SCFD2: variants seen among roughly 807,000 people sequenced by gnomAD.
SCFD2 encodes sec1 family domain containing 2, also known as sec1 family domain-containing protein 2.
A neutral mutation model predicts 58.9 loss-of-function variants in SCFD2; 54 were observed. The observed-to-expected ratio is 0.92, with a 90% CI of 0.74 to 1.15. The LOEUF is 1.15. Ranked by LOEUF, SCFD2 falls within the 50% of genes most tolerant of loss-of-function variation. SCFD2 has a pLI of 0.00. For synonymous variants in SCFD2, 321 were observed against 335.9 expected, an observed-to-expected ratio of 0.96 and a Z score of 0.49; for missense variants, 805 against 836.6, an observed-to-expected ratio of 0.96 and a Z score of 0.47.
chr4:53,034,735 G>A (rs1189281031), intron 5 of SCFD2, among the ~76,000 whole-genome samples: 1 of 152,114 alleles, frequency 6.6e-6, no homozygotes, highest in Non-Finnish European at 1.5e-5. Flanking sequence ...TTGCTACAAA[G>A]GGAATAAAAT....
At chr4:53,322,279 T>A (rs1314249663) in intron 2 of SCFD2, among the ~76,000 whole-genome samples, 1 of 152,118 alleles carries the variant, frequency 6.6e-6, no homozygotes, top group Non-Finnish European at 1.5e-5. Context: ...GCAATGAAAG[T>A]GACCTCTGGT....
intron 5 of SCFD2, among the ~76,000 whole-genome samples, chr4:53,030,108 T>C (rs1455614865): frequency 6.6e-5 from 10 of 152,030 alleles, no homozygotes; most frequent in Non-Finnish European, 1.3e-4. Flanking sequence ...CTAGAAAACA[T>C]AAAGAACTCT....
At chr4:53,160,298 G>A (rs1305324782) in intron 4 of SCFD2, among the ~76,000 whole-genome samples, 2 of 152,186 alleles carry the variant, frequency 1.3e-5, no homozygotes, top group Non-Finnish European at 2.9e-5. Context: ...CTATGGTGAA[G>A]AGAACAAACT....
At chr4:53,182,632 C>T (rs897151989) in intron 4 of SCFD2, among the ~76,000 whole-genome samples, 3 of 152,138 alleles carry the variant, frequency 2.0e-5, no homozygotes, top group Non-Finnish European at 4.4e-5. Flanking sequence ...GCAATGGCAA[C>T]AAAAGCCAAA....
rs529050721 is a variant in SCFD2, at chr4:53,157,256, T to TGATGTA, written c.1312-11675_1312-11674insTACATC. Reference sequence around the variant, plus strand: ...ATGCATGATGTAAGAAAATCAGGCATAGGCTAAAGATCCATCCAAAATACA... The same window carrying TGATGTA: ...ATGCATGATGTAAGAAAATCAGGCATGATGTAAGGCTAAAGATCCATCCAAAATACA... On this transcript the variant is annotated intron_variant, in intron 4 of 8. Coordinates refer to ENST00000401642, the MANE Select transcript of SCFD2 (RefSeq NM_152540.4). 8.2e-3 allele frequency among the ~76,000 whole-genome samples: 1,242 copies of TGATGTA among 152,344 alleles called. 16 individuals are homozygous for TGATGTA. Among genetic ancestry groups the TGATGTA allele is most frequent in the African/African-American group, 0.028 (1,165 of 41,588 alleles).
rs571044947 is a variant in SCFD2 at position 52,989,895 on chromosome 4, T to G, written c.1562-69025A>C. Among the ~76,000 whole-genome samples, 12 of 152,284 alleles carry G rather than the reference T, an allele frequency of 7.9e-5. No individual in the cohort carries two copies. The South Asian group carries it at 2.3e-3, about 29-fold the overall frequency. On this transcript the variant is annotated intron_variant, in intron 5 of 8. Coordinates refer to ENST00000401642, the MANE Select transcript of SCFD2 (RefSeq NM_152540.4). ...TCACCTCTCTTTATTTTTCCTTCTT[T>G]GACTCTCTTCCTCTGTCTACACTCT...
intron 5 of SCFD2, among the ~76,000 whole-genome samples, chr4:52,934,656 T>C (rs1022817166): frequency 2.6e-5 from 4 of 152,204 alleles, no homozygotes; most frequent in Non-Finnish European, 5.9e-5. Flanking sequence ...GAGCTCTTAC[T>C]GGGTTTTCAG....
intron 5 of SCFD2, among the ~76,000 whole-genome samples, chr4:53,011,079 G>T (rs1485904859): frequency 6.6e-6 from 1 of 152,064 alleles, no homozygotes; most frequent in Non-Finnish European, 1.5e-5. Context: ...TTTACATTTG[G>T]ACTTTATTTT....
At chr4:53,211,196 T>C (rs1217960392) in intron 4 of SCFD2, among the ~76,000 whole-genome samples, 1 of 150,612 alleles carries the variant, frequency 6.6e-6, no homozygotes, top group Admixed American at 6.6e-5. Flanking sequence ...TGAGCTGAGA[T>C]TGCACCACTG....
intron 5 of SCFD2, among the ~76,000 whole-genome samples, chr4:53,052,025 A>G (rs929483049): frequency 6.6e-6 from 1 of 152,208 alleles, no homozygotes; most frequent in African/African-American, 2.4e-5. Context: ...TTGTAAGAAA[A>G]GCACAATAGG....
chr4:52,995,798 T>A (rs1721730143), intron 5 of SCFD2, among the ~76,000 whole-genome samples: 1 of 152,218 alleles, frequency 6.6e-6, no homozygotes, highest in South Asian at 2.1e-4. Flanking sequence ...TGGGTCATCG[T>A]GGTATTCCAC....
intron 2 of SCFD2, among the ~76,000 whole-genome samples, chr4:53,347,705 A>C (rs1203433497): frequency 6.6e-6 from 1 of 152,204 alleles, no homozygotes; most frequent in Non-Finnish European, 1.5e-5. Flanking sequence ...GAAGGACAGC[A>C]AGGAAGCTTA....
chr4:53,223,516 C>T (rs1275670234), intron 4 of SCFD2, among the ~76,000 whole-genome samples: 15 of 152,226 alleles, frequency 9.9e-5, no homozygotes, highest in East Asian at 1.9e-4. Flanking sequence ...ACATGCTATG[C>T]GCTATCAGAA....
chr4:53,106,089 G>A (rs951439070), intron 5 of SCFD2, among the ~76,000 whole-genome samples: 1 of 152,212 alleles, frequency 6.6e-6, no homozygotes, highest in Non-Finnish European at 1.5e-5. Flanking sequence ...AGGGTCTGGA[G>A]TGGACCTGCA....
At chr4:52,948,575 T>C (rs1577851981) in intron 5 of SCFD2, 1 of 455,494 alleles carries the variant, frequency 2.2e-6, no homozygotes, top group East Asian at 7.0e-5. Context: ...TAATATTCTG[T>C]TCCTAGTGGG....
intron 4 of SCFD2, among the ~76,000 whole-genome samples, chr4:53,250,589 C>T (rs1730326745): frequency 6.6e-6 from 1 of 152,224 alleles, no homozygotes; most frequent in African/African-American, 2.4e-5. Context: ...GATTAAGAAA[C>T]TCACTCAAAA....
chr4:53,230,014 A>G (rs1729377788), intron 4 of SCFD2, among the ~76,000 whole-genome samples: 1 of 152,254 alleles, frequency 6.6e-6, no homozygotes, highest in African/African-American at 2.4e-5. Flanking sequence ...AAAAAAACAC[A>G]TGAAAAAATG....
At chr4:53,045,512 A>C (rs1237181595) in intron 5 of SCFD2, among the ~76,000 whole-genome samples, 1 of 152,166 alleles carries the variant, frequency 6.6e-6, no homozygotes, top group Non-Finnish European at 1.5e-5. Context: ...TTCGTATACT[A>C]TACAAATAAA....
At chr4:52,991,424 A>C (rs1721610495) in intron 5 of SCFD2, among the ~76,000 whole-genome samples, 1 of 152,130 alleles carries the variant, frequency 6.6e-6, no homozygotes, top group Admixed American at 6.5e-5. Flanking sequence ...CCACCTTAGG[A>C]GGAGGGATTG....
Sources: allele counts gnomAD v4.1 joint callset (sites outside exome capture counted in the v4.1 genomes callset), GRCh38; gene constraint gnomAD v4.1.1; transcripts MANE v1.5; gene names NCBI Gene and HGNC (gene_info 2026-07-23, HGNC 2026-07-21).